The following YEATS2 variants were observed in gnomAD, a reference collection of about 807,000 sequenced individuals.
The protein encoded by YEATS2 is YEATS domain containing 2, also known as YEATS domain-containing protein 2.
A neutral mutation model predicts 163.2 loss-of-function variants in YEATS2; 77 were observed. The observed-to-expected ratio is 0.47, with a 90% confidence interval of 0.39 to 0.57. The LOEUF (loss-of-function observed/expected upper bound fraction) is 0.57. Ranked by LOEUF, YEATS2 falls within the 20% of genes least tolerant of loss-of-function variation. The pLI, the probability that YEATS2 is intolerant of heterozygous loss-of-function variation, is 0.00. For missense variants in YEATS2, 1,549 were observed against 1,729.8 expected (o/e 0.90, Z 1.85); for synonymous variants, 631 against 645.1 (o/e 0.98, Z 0.33).
intron 21 of YEATS2, among the ~76,000 whole-genome samples, chr3:183,797,481 G>A (rs36155312): frequency 0.14 from 21,833 of 151,656 alleles, 1,775 homozygotes; most frequent in East Asian, 0.3. Flanking sequence ...GGAGTTCAAG[G>A]TTACAATGAG....
At chr3:183,708,519 ATTTTC>A (rs778457347) in intron 1 of YEATS2, among the ~76,000 whole-genome samples, 1 of 151,946 alleles carries the variant, frequency 6.6e-6, no homozygotes, top group Non-Finnish European at 1.5e-5. Context: ...TTATTATACA[ATTTTC>A]TTTTCAAAAT....
intron 8 of YEATS2, among the ~76,000 whole-genome samples, chr3:183,741,553 G>T (rs1313946278): frequency 6.6e-6 from 1 of 151,984 alleles, no homozygotes; most frequent in Non-Finnish European, 1.5e-5. Flanking sequence ...AGGCCGAGGC[G>T]AGTGGATCAC....
intron 23 of YEATS2, among the ~76,000 whole-genome samples, chr3:183,799,827 T>TC (rs1725492649): frequency 6.7e-6 from 1 of 149,552 alleles, no homozygotes; most frequent in African/African-American, 2.5e-5. Context: ...GTTTTTTTTT[T>TC]TTTTCTTTTT....
In YEATS2 at chr3:183,782,448, C is replaced by A. The variant is rs577247436; in HGVS notation, c.2737-3677C>A. On this transcript the variant is annotated intron_variant, in intron 19 of 30. Coordinates refer to ENST00000305135, the MANE Select transcript of YEATS2 (RefSeq NM_018023.5). ...TTAATTTTTTTATTTTTTGAGATGA[C>A]GTCTCGCTCGTGTCCCCCAGGCTGG... Among the ~76,000 whole-genome samples the A allele has an allele frequency of 1.3e-3, 198 of 150,310 alleles. 1 individual carries two copies. Among genetic ancestry groups the A allele is most frequent in the African/African-American group, 2.8e-3 (114 of 40,892 alleles).
chr3:183,747,768 T>C (rs1719708038), intron 9 of YEATS2, 52 bp downstream of exon 9: 1 of 1,556,592 alleles, frequency 6.4e-7, no homozygotes, highest in South Asian at 1.1e-5. Context: ...TGAAAATTGA[T>C]CTTCATTTTT....
chr3:183,801,446 C>T lies in YEATS2; in HGVS notation c.3429-9C>T, dbSNP rs1577221716. The T allele has an allele frequency of 1.9e-6, 3 of 1,589,732 alleles. No individual in the cohort carries two copies. The highest frequency in any genetic ancestry group is 1.8e-5 in the Admixed American group (1 of 55,100). On this transcript the variant is annotated splice_polypyrimidine_tract_variant and intron_variant, in intron 24 of 30. Transcript: ENST00000305135. ...ATTTATTGCCTTAATTTTTTTTTAT[C>T]TCTCTCAGGATAGACCATTTAGAAA...
intron 1 of YEATS2, among the ~76,000 whole-genome samples, chr3:183,707,876 G>C (rs575680816): frequency 5.9e-5 from 9 of 151,590 alleles, no homozygotes; most frequent in Non-Finnish European, 1.0e-4. Context: ...GGGTTTCACC[G>C]TGTTGATGAG....
At chr3:183,744,057 GGCAGA>G (rs1390640525) in intron 8 of YEATS2, among the ~76,000 whole-genome samples, 1 of 150,694 alleles carries the variant, frequency 6.6e-6, no homozygotes, top group Non-Finnish European at 1.5e-5. Flanking sequence ...TTTATTAAGG[GGCAGA>G]GTACTGTCCT....
chr3:183,709,738 C>T (rs1196673207), intron 1 of YEATS2, among the ~76,000 whole-genome samples: 10 of 145,168 alleles, frequency 6.9e-5, no homozygotes, highest in African/African-American at 1.8e-4. Context: ...AGTGCAGTGG[C>T]GTGATCTCGG....
rs1726808949 is a variant in YEATS2, at chr3:183,811,654, C to T, written c.*1071C>T. The T allele has an allele frequency of 6.6e-6, 1 of 152,590 alleles. No individual in the cohort carries two copies. Among genetic ancestry groups the T allele is most frequent in the Admixed American group, 6.5e-5 (1 of 15,288 alleles). 9.5% of individuals were successfully genotyped at this position (152,590 alleles called of 1,614,324 possible). On this transcript the variant is annotated 3_prime_UTR_variant, in exon 31 of 31. Coordinates refer to ENST00000305135, the MANE Select transcript of YEATS2 (RefSeq NM_018023.5). ...GTCTGTGTCCACAAGCAGAGGCCCC[C>T]TCGATGGGAGGGAGTGGCAGGCAGG...
intron 2 of YEATS2, 101 bp from the exon 3 acceptor site, chr3:183,717,550 T>A: frequency 1.2e-6 from 1 of 866,932 alleles, no homozygotes; most frequent in Non-Finnish European, 1.8e-6. Flanking sequence ...TTCTCCACTT[T>A]AGAGTTACTA....
At chr3:183,778,338 A>G (rs1303917063) in intron 19 of YEATS2, among the ~76,000 whole-genome samples, 1 of 152,204 alleles carries the variant, frequency 6.6e-6, no homozygotes, top group Non-Finnish European at 1.5e-5. Flanking sequence ...TTAAAGTCAC[A>G]CTATTTGTGA....
At chr3:183,808,197 C>G in intron 29 of YEATS2, 93 bp downstream of exon 29, 1 of 1,039,840 alleles carries the variant, frequency 9.6e-7, no homozygotes, top group Non-Finnish European at 1.4e-6. Context: ...ACAAAGATAA[C>G]AGGCTTTAAA....
At chr3:183,781,436 T>A (rs935936628) in intron 19 of YEATS2, among the ~76,000 whole-genome samples, 2 of 152,230 alleles carry the variant, frequency 1.3e-5, no homozygotes, top group African/African-American at 4.8e-5. Context: ...GATTGGATGA[T>A]GTCTGCCCAC....
At chr3:183,797,372 C>A (rs998249965) in intron 21 of YEATS2, among the ~76,000 whole-genome samples, 1 of 151,532 alleles carries the variant, frequency 6.6e-6, no homozygotes, top group Non-Finnish European at 1.5e-5. Flanking sequence ...AGCGAGACCC[C>A]CATCTCTACA....
intron 13 of YEATS2, 88 bp from the exon 14 acceptor site, chr3:183,761,419 G>T: frequency 8.2e-7 from 1 of 1,217,090 alleles, no homozygotes; most frequent in Non-Finnish European, 1.2e-6. Flanking sequence ...GCTAGAGAAT[G>T]TCACAGGTTT....
At chr3:183,711,441 C>T (rs1304428770) in intron 1 of YEATS2, among the ~76,000 whole-genome samples, 1 of 148,480 alleles carries the variant, frequency 6.7e-6, no homozygotes, top group Non-Finnish European at 1.5e-5. Flanking sequence ...CCACTGCACT[C>T]CAGCCTGGGA....
At chr3:183,794,995 C>A (rs2108497730) in intron 21 of YEATS2, among the ~76,000 whole-genome samples, 1 of 124,208 alleles carries the variant, frequency 8.1e-6, no homozygotes, top group Non-Finnish European at 1.7e-5. Flanking sequence ...TGTGACAAGA[C>A]CCCATTTCTT....
intron 15 of YEATS2, among the ~76,000 whole-genome samples, chr3:183,768,857 A>G (rs1404883509): frequency 2.0e-5 from 3 of 152,164 alleles, no homozygotes; most frequent in Non-Finnish European, 1.5e-5. Context: ...CCATAATCCC[A>G]GCTACTCAGG....
Sources: allele counts gnomAD v4.1 joint callset (sites outside exome capture counted in the v4.1 genomes callset), GRCh38; gene constraint gnomAD v4.1.1; transcripts MANE v1.5; gene names NCBI Gene and HGNC (gene_info 2026-07-23, HGNC 2026-07-21).